WTAP: variants seen among roughly 807,000 people sequenced by gnomAD.
WTAP encodes the protein WT1 associated protein, also known as pre-mRNA-splicing regulator WTAP.
In WTAP, 8 loss-of-function variants were observed where a neutral mutation model predicts 50.0. The observed-to-expected ratio is 0.16, with a 90% CI of 0.09 to 0.29. The LOEUF is 0.29. Ranked by LOEUF, WTAP falls within the 10% of genes least tolerant of loss-of-function variation. WTAP has a pLI of 1.00. For missense variants in WTAP, 295 were observed against 470.7 expected, an observed-to-expected ratio of 0.63 and a Z score of 3.45; for synonymous variants, 194 against 169.0, an observed-to-expected ratio of 1.15 and a Z score of -1.15.
rs1431942246 is a variant in WTAP at position 159,754,994 on chromosome 6, G to A, written c.608-34G>A. 5 of 1,549,196 alleles carry A rather than the reference G, an allele frequency of 3.2e-6. No homozygotes were observed. In the African/African-American group the frequency reaches 4.1e-5, roughly 13 times the overall value. The stretch of plus-strand genomic sequence containing the variant: ...AGAAACATTTTTCAATGTTATAAAC[G>A]ATATTAAAGTTGGTCTGACTCTCCT... On this transcript the variant is annotated intron_variant, in intron 7 of 7. Coordinates refer to ENST00000621533, the MANE Select transcript of WTAP (RefSeq NM_001270531.2).
In WTAP at chr6:159,730,104, G is replaced by A. The variant is rs187235967; in HGVS notation, c.-9+2401G>A. ...AATCATGTTACCACCCTTTTGAGGGGCACCAAATTTGAGACCCTTACCCCC... is the reference window on the plus strand; with the variant it reads ...AATCATGTTACCACCCTTTTGAGGGACACCAAATTTGAGACCCTTACCCCC... On this transcript the variant is annotated intron_variant, in intron 1 of 7. Coordinates refer to ENST00000621533, the MANE Select transcript of WTAP (RefSeq NM_001270531.2). Among the ~76,000 whole-genome samples the A allele has an allele frequency of 1.1e-3, 163 of 152,172 alleles. 2 individuals are homozygous for A. The highest frequency in any genetic ancestry group is 2.2e-3 in the Admixed American group (33 of 15,292).
chr6:159,732,512 C>CTAAAA (rs1411863427), intron 1 of WTAP, among the ~76,000 whole-genome samples: 1 of 152,112 alleles, frequency 6.6e-6, no homozygotes, highest in Non-Finnish European at 1.5e-5. Context: ...GCTCAAATAG[C>CTAAAA]TAAAATTGTC....
At chr6:159,730,459 C>T (rs934267196) in intron 1 of WTAP, among the ~76,000 whole-genome samples, 1 of 151,838 alleles carries the variant, frequency 6.6e-6, no homozygotes, top group Admixed American at 6.6e-5. Context: ...AAAAAATTGC[C>T]CTGGGGAATA....
At position 159,748,084 on chromosome 6, in the gene WTAP, A is replaced by G. The variant is rs940016671; in HGVS notation, c.274-107A>G. 3.0e-6 allele frequency: 4 copies of G among 1,329,238 alleles called. No homozygotes were observed. The African/African-American group carries it at 5.9e-5, about 20-fold the overall frequency. The allele number at this position is 1,329,238 out of a possible 1,614,324, so 82.3% of individuals were successfully genotyped here. A position where few individuals can be genotyped will look rare whatever the true frequency, so the allele number is the denominator to read the frequency against. ...GAATTTCAGGATCAAAGAGGGGAGG[A>G]GCTTAATGAAAGAGTTGGTAAATCA... is the stretch of plus-strand genomic sequence containing the variant. On this transcript the variant is annotated intron_variant, in intron 5 of 7. Transcript: ENST00000621533. This position sits in a 1 kb window ranked among gnomAD's most constrained non-coding sequence, Gnocchi z 5.6.
chr6:159,754,196 G>C (rs78601016), intron 7 of WTAP, among the ~76,000 whole-genome samples: 111 of 152,304 alleles, frequency 7.3e-4, no homozygotes, highest in Admixed American at 5.6e-3. Context: ...TTGAAAATTA[G>C]TGTCTCTGGT....
At chr6:159,727,122 C>G (rs1202368203), upstream of WTAP, 7 of 1,195,680 alleles carry the variant, frequency 5.9e-6, no homozygotes, top group African/African-American at 9.6e-5. Flanking sequence ...TCGGCCGCTT[C>G]CCTTACTGAG....
chr6:159,754,993 C>G (rs757133605), intron 7 of WTAP, 35 bp from the exon 8 acceptor site: 1 of 1,546,412 alleles, frequency 6.5e-7, no homozygotes, highest in Admixed American at 2.0e-5. Context: ...ATGTTATAAA[C>G]GATATTAAAG....
intron 1 of WTAP, among the ~76,000 whole-genome samples, chr6:159,730,121 C>T (rs986016788): frequency 1.3e-5 from 2 of 152,132 alleles, no homozygotes; most frequent in African/African-American, 4.8e-5. Flanking sequence ...ATTTGAGACC[C>T]TTACCCCCAA....
rs557293267 is a variant in WTAP, at chr6:159,754,532, G to A, written c.608-496G>A. ...TTGGTTGCTTAATACAGTTGCCCTC[G>A]GTATCCATGGTGGATTGGTGTCAGG... is the stretch of plus-strand genomic sequence containing the variant. On this transcript the variant is annotated intron_variant, in intron 7 of 7. Transcript: ENST00000621533. Among the ~76,000 whole-genome samples the A allele has an allele frequency of 2.6e-5, 4 of 152,180 alleles. No homozygotes were observed. In the South Asian group the frequency reaches 8.3e-4, roughly 32 times the overall value.
At chr6:159,727,201 G>T, upstream of WTAP, 1 of 1,238,886 alleles carries the variant, frequency 8.1e-7, no homozygotes, top group Admixed American at 2.8e-5. Context: ...TGTTACCGGG[G>T]AGCAGCTGCT....
intron 5 of WTAP, among the ~76,000 whole-genome samples, chr6:159,744,632 C>T (rs983970022): frequency 7.2e-5 from 11 of 152,200 alleles, no homozygotes; most frequent in African/African-American, 2.7e-4. Context: ...CGTATTTACT[C>T]TTCTTTCACT....
At chr6:159,744,044 A>G (rs185299820) in intron 5 of WTAP, among the ~76,000 whole-genome samples, 113 of 152,300 alleles carry the variant, frequency 7.4e-4, no homozygotes, top group Admixed American at 3.3e-3. Context: ...TAGTTCATCA[A>G]TTCCAGACAT....
intron 1 of WTAP, among the ~76,000 whole-genome samples, chr6:159,732,687 G>C (rs539483436): frequency 6.6e-6 from 1 of 152,078 alleles, no homozygotes; most frequent in South Asian, 2.1e-4. Flanking sequence ...AGCCGGGCGT[G>C]GTGGCAGGCA....
chr6:159,727,374 T>TGGCAGGAGGCGGGAGGCGGAA, upstream of WTAP: 1 of 1,032,512 alleles, frequency 9.7e-7, no homozygotes, highest in Non-Finnish European at 1.2e-6. Flanking sequence ...GCGGGGAGGC[T>TGGCAGGAGGCGGGAGGCGGAA]GGCGGGAGGC....
Position 159,739,053 on chromosome 6 carries a change from G to A in WTAP, c.86+8G>A. ...AGATGAGTTAATTCTAAGGTAAAAT[G>A]TTCTCTGTTCAAAAACAAAGTCTTT... is the stretch of plus-strand genomic sequence containing the variant. On this transcript the variant is annotated splice_region_variant and intron_variant, in intron 3 of 7. Coordinates refer to ENST00000621533, the MANE Select transcript of WTAP (RefSeq NM_001270531.2). The A allele has an allele frequency of 6.2e-7, 1 of 1,608,062 alleles. No individual in the cohort carries two copies. Among genetic ancestry groups the A allele is most frequent in the Non-Finnish European group, 8.5e-7 (1 of 1,176,110 alleles).
chr6:159,732,669 C>T (rs1187889557), intron 1 of WTAP, among the ~76,000 whole-genome samples: 1 of 151,930 alleles, frequency 6.6e-6, no homozygotes, highest in African/African-American at 2.4e-5. Flanking sequence ...ACTAAAAATA[C>T]AAAAATTAGC....
At chr6:159,741,945 CTG>C in intron 3 of WTAP, 141 bp from the exon 4 acceptor site, 1 of 635,514 alleles carries the variant, frequency 1.6e-6, no homozygotes, top group Non-Finnish European at 2.7e-6. Flanking sequence ...GAGCGAGACT[CTG>C]TCTAAAAAAA....
At chr6:159,751,196 A>C (rs1337689829) in intron 6 of WTAP, among the ~76,000 whole-genome samples, 2 of 152,238 alleles carry the variant, frequency 1.3e-5, no homozygotes, top group Non-Finnish European at 2.9e-5. Context: ...TATTTTACTA[A>C]TCACTAGTTT....
chr6:159,744,914 T>C (rs1029543763), intron 5 of WTAP, among the ~76,000 whole-genome samples: 3 of 152,182 alleles, frequency 2.0e-5, no homozygotes, highest in Non-Finnish European at 4.4e-5. Context: ...TGCTGTACTT[T>C]GGCAATCCTT....
Sources: allele counts gnomAD v4.1 joint callset (sites outside exome capture counted in the v4.1 genomes callset), GRCh38; gene constraint gnomAD v4.1.1; non-coding constraint Gnocchi (gnomAD v3.1); transcripts MANE v1.5; gene names NCBI Gene and HGNC (gene_info 2026-07-23, HGNC 2026-07-21).